Variants in TRMT61B observed in about 807,000 individuals in gnomAD.
The protein encoded by TRMT61B is tRNA (adenine(58)-N(1))-methyltransferase, mitochondrial.
A neutral mutation model predicts 52.0 loss-of-function variants in TRMT61B; 56 were observed. The ratio of observed to expected loss-of-function variants is 1.08; its 90% CI spans 0.87 to 1.35. TRMT61B has a LOEUF of 1.35. TRMT61B is among the 40% of genes most tolerant of loss of function. The pLI, the probability that TRMT61B is intolerant of heterozygous loss-of-function variation, is 0.00. For missense variants in TRMT61B, 650 were observed against 577.9 expected (o/e 1.12, Z -1.28); for synonymous variants, 206 against 220.0 (o/e 0.94, Z 0.56).
chr2:28,865,263 T>C, intron 1 of TRMT61B, 144 bp from the exon 2 acceptor site: 1 of 555,392 alleles, frequency 1.8e-6, no homozygotes, highest in Non-Finnish European at 3.2e-6. Context: ...TATATTTCAC[T>C]TGATGAAATA....
Position 28,849,942 on chromosome 2 carries a change from G to A in TRMT61B, c.*257C>T. ...GTGGTTTACAGGAAGTGAAGAATGA[G>A]ATGGCCCAACTAAACCAATTTGGAA... On this transcript the variant is annotated 3_prime_UTR_variant, in exon 7 of 7. Coordinates refer to ENST00000306108, the MANE Select transcript of TRMT61B (RefSeq NM_017910.4). 1.3e-6 allele frequency: 2 copies of A among 1,582,736 alleles called. No individual in the cohort carries two copies. Among genetic ancestry groups the A allele is most frequent in the Non-Finnish European group, 1.7e-6 (2 of 1,167,682 alleles).
chr2:28,850,747 T>G (rs905254934), intron 5 of TRMT61B: 45 of 312,654 alleles, frequency 1.4e-4, no homozygotes, highest in African/African-American at 9.7e-4. Flanking sequence ...TTTTGGAATA[T>G]TAGCTATTTG....
intron 4 of TRMT61B, among the ~76,000 whole-genome samples, chr2:28,851,609 G>A (rs761260027): frequency 3.3e-5 from 5 of 152,136 alleles, no homozygotes; most frequent in East Asian, 1.9e-4. Context: ...AGGGTTGGGC[G>A]TGGGTCACGC....
At chr2:28,851,924 A>C (rs1404052968) in intron 4 of TRMT61B, among the ~76,000 whole-genome samples, 1 of 151,432 alleles carries the variant, frequency 6.6e-6, no homozygotes, top group African/African-American at 2.4e-5. Context: ...AAAAAAAAAA[A>C]ACACTAAATA....
intron 1 of TRMT61B, among the ~76,000 whole-genome samples, 191 bp downstream of exon 1, chr2:28,869,388 C>A (rs76430282): frequency 0.019 from 2,850 of 152,280 alleles, 92 homozygotes; most frequent in African/African-American, 0.065. Context: ...AAATTAAAAT[C>A]TAGCCGTTCC....
intron 3 of TRMT61B, among the ~76,000 whole-genome samples, chr2:28,860,298 A>AAAAAAAG (rs1669548133): frequency 6.8e-6 from 1 of 146,272 alleles, no homozygotes; most frequent in Non-Finnish European, 1.5e-5. Flanking sequence ...AAAAAAAAAA[A>AAAAAAAG]AAAAAAAAGA....
chr2:28,851,860 C>T (rs1341613292), intron 4 of TRMT61B, among the ~76,000 whole-genome samples: 1 of 88,934 alleles, frequency 1.1e-5, no homozygotes, highest in Non-Finnish European at 2.0e-5. Flanking sequence ...GCCTGGGTGA[C>T]AAAGCGAGAC....
chr2:28,856,920 C>A (rs192555145), intron 3 of TRMT61B, among the ~76,000 whole-genome samples: 2 of 152,136 alleles, frequency 1.3e-5, no homozygotes, highest in Admixed American at 6.5e-5. Flanking sequence ...CAGGCATGAA[C>A]CACTGCGCCT....
At chr2:28,860,326 A>G (rs938348497) in intron 3 of TRMT61B, among the ~76,000 whole-genome samples, 3 of 135,816 alleles carry the variant, frequency 2.2e-5, no homozygotes, top group Non-Finnish European at 4.6e-5. Flanking sequence ...TCCTCTTTGA[A>G]CTTTGCTTCA....
chr2:28,857,178 C>T (rs1221394792), intron 3 of TRMT61B, among the ~76,000 whole-genome samples: 3 of 152,176 alleles, frequency 2.0e-5, no homozygotes, highest in South Asian at 2.1e-4. Context: ...AAGTGATCCA[C>T]CCATCTCAGC....
At position 28,862,231 on chromosome 2, in the gene TRMT61B, T is replaced by C. The variant is rs1365764381; in HGVS notation, c.803-923A>G. Among the ~76,000 whole-genome samples, 3 of 141,990 alleles carry C rather than the reference T, an allele frequency of 2.1e-5. No homozygotes were observed. The East Asian group carries it at 6.1e-4, about 29-fold the overall frequency. 93.2% of individuals were successfully genotyped at this position (141,990 alleles called of 152,430 possible). A position where few individuals can be genotyped will look rare whatever the true frequency, so the allele number is the denominator to read the frequency against. ...AAAAAAAAAAAAAAAAAAAAAAGAA[T>C]ACCTGTATCTCCATACTCTCCCTAA... On this transcript the variant is annotated intron_variant, in intron 2 of 6. Transcript: ENST00000306108.
intron 5 of TRMT61B, 90 bp downstream of exon 5, chr2:28,850,982 T>G: frequency 1.3e-6 from 1 of 789,508 alleles, no homozygotes; most frequent in Middle Eastern, 2.4e-4. Context: ...AGAAAATTGC[T>G]GAGGAATATT....
intron 2 of TRMT61B, among the ~76,000 whole-genome samples, chr2:28,864,350 T>TCCAA (rs778326254): frequency 6.6e-6 from 1 of 152,018 alleles, no homozygotes; most frequent in East Asian, 1.9e-4. Flanking sequence ...ATTTGTAATA[T>TCCAA]CCAACTCAAA....
intron 3 of TRMT61B, 82 bp from the exon 4 acceptor site, chr2:28,852,581 C>T: frequency 1.2e-6 from 1 of 843,838 alleles, no homozygotes; most frequent in East Asian, 2.5e-5. Flanking sequence ...TGAAATGACA[C>T]ACTTTTGGAC....
intron 3 of TRMT61B, among the ~76,000 whole-genome samples, chr2:28,853,124 G>A (rs1376602273): frequency 6.6e-6 from 1 of 151,746 alleles, no homozygotes; most frequent in Non-Finnish European, 1.5e-5. Context: ...ATTGCCAAGT[G>A]TAAAACACGC....
chr2:28,852,898 G>A (rs1669184285), intron 3 of TRMT61B, among the ~76,000 whole-genome samples: 1 of 152,120 alleles, frequency 6.6e-6, no homozygotes. Flanking sequence ...GTTCGAGGCT[G>A]TAGTGACCTA....
At chr2:28,858,816 A>G (rs927417376) in intron 3 of TRMT61B, among the ~76,000 whole-genome samples, 6 of 150,006 alleles carry the variant, frequency 4.0e-5, no homozygotes, top group Non-Finnish European at 8.9e-5. Flanking sequence ...AAAAAAAAAA[A>G]AAAGAAAAGC....
Position 28,850,352 on chromosome 2 carries a change from C to T in TRMT61B, c.1366G>A (p.Val456Ile). The stretch of plus-strand genomic sequence containing the variant: ...CCTGTATGACCAGGTTGCCAGTGTA[C>T]TGGTCTAGCAACATAGGGAAATGAT... ...YGSFPYVARPVHWQPGHTAFL... is the reference protein window; with the variant it reads ...YGSFPYVARPIHWQPGHTAFL... Residue 456 changes from valine (V) to isoleucine (I), a missense_variant, in exon 6 of 7, where the codon GTA becomes ATA. Transcript: ENST00000306108. 1 of 1,611,024 alleles carries T rather than the reference C, an allele frequency of 6.2e-7. No homozygotes were observed. Among genetic ancestry groups the T allele is most frequent in the Non-Finnish European group, 8.5e-7 (1 of 1,178,534 alleles).
chr2:28,854,212 A>G (rs1445338606), intron 3 of TRMT61B, among the ~76,000 whole-genome samples: 1 of 152,228 alleles, frequency 6.6e-6, no homozygotes, highest in Non-Finnish European at 1.5e-5. Flanking sequence ...TGGAGCTTAT[A>G]GTCTGTTTCA....
Sources: gnomAD v4.1 joint callset for allele counts (sites outside exome capture counted in the v4.1 genomes callset) on GRCh38, gnomAD v4.1.1 for gene constraint, MANE v1.5 for transcripts, NCBI Gene and HGNC (gene_info 2026-07-23, HGNC 2026-07-21) for gene names.